UGT1A7: variants seen among roughly 807,000 people sequenced by gnomAD.
UGT1A7 encodes the protein UDP-glucuronosyltransferase 1A7.
In UGT1A7, 33 loss-of-function variants were observed where a neutral mutation model predicts 45.6. The observed-to-expected ratio is 0.72, with a 90% CI of 0.55 to 0.97. The LOEUF (loss-of-function observed/expected upper bound fraction) is 0.97. Ranked by LOEUF, UGT1A7 falls within the 50% of genes least tolerant of loss-of-function variation. The probability of loss-of-function intolerance (pLI) is 0.00; values close to 1 mark genes in which losing one functional copy is unlikely to be tolerated. For synonymous variants in UGT1A7, 274 were observed against 250.6 expected (o/e 1.09, Z -0.88); for missense variants, 684 against 666.2 (o/e 1.03, Z -0.29).
In UGT1A7 at chr2:233,760,982, C is replaced by A. The variant is rs147640261; in HGVS notation, c.856-6052C>A. Reference sequence around the variant, plus strand: ...GACGTGGTTTATTCCCCGTATGCAACCCTTGCCTCAGAATTCCTTCAGAGA... The same window carrying A: ...GACGTGGTTTATTCCCCGTATGCAAACCTTGCCTCAGAATTCCTTCAGAGA... On this transcript the variant is annotated intron_variant, in intron 1 of 4. Transcript: ENST00000373426. The A allele has an allele frequency of 1.9e-6, 3 of 1,614,220 alleles. No individual in the cohort carries two copies. The highest frequency in any genetic ancestry group is 2.7e-5 in the African/African-American group (2 of 75,052).
At chr2:233,690,770 CA>C (rs1350118707) in intron 1 of UGT1A7, 12 of 1,084,308 alleles carry the variant, frequency 1.1e-5, no homozygotes, top group African/African-American at 1.0e-4. Context: ...TACACACACA[CA>C]CACATACACA....
At chr2:233,742,690 G>A (rs1692069965) in intron 1 of UGT1A7, 1 of 152,442 alleles carries the variant, frequency 6.6e-6, no homozygotes, top group African/African-American at 2.4e-5. Flanking sequence ...CCTTCAGAGG[G>A]AACATGCTTC....
chr2:233,715,019 G>A (rs1306215776), intron 1 of UGT1A7, among the ~76,000 whole-genome samples: 2 of 152,164 alleles, frequency 1.3e-5, no homozygotes, highest in African/African-American at 4.8e-5. Context: ...TGGAACTACA[G>A]GCGCATGGCA....
chr2:233,712,865 GGC>G, intron 1 of UGT1A7: 1 of 1,573,780 alleles, frequency 6.4e-7, no homozygotes, highest in Non-Finnish European at 8.6e-7. Flanking sequence ...ACTGGAGGAG[GGC>G]ACTCTGTCTT....
chr2:233,682,670 T>C lies in UGT1A7; in HGVS notation c.733T>C (p.Tyr245His). 1.2e-6 allele frequency: 2 copies of C among 1,613,882 alleles called. No individual in the cohort carries two copies. Among genetic ancestry groups the C allele is most frequent in the Non-Finnish European group, 1.7e-6 (2 of 1,179,788 alleles). Residue 245 changes from tyrosine (Y) to histidine (H), a missense_variant, in exon 1 of 5, where the codon TAC becomes CAC. Transcript: ENST00000373426. ...LQTPVTAYDL[Y>H]SHTSIWLLRT... ...AACCCCTGTCACGGCATATGATCTCTACAGCCACACATCAATTTGGTTGTT... is the reference window on the plus strand; with the variant it reads ...AACCCCTGTCACGGCATATGATCTCCACAGCCACACATCAATTTGGTTGTT...
chr2:233,751,063 A>G (rs1291377665), intron 1 of UGT1A7, among the ~76,000 whole-genome samples: 4 of 152,012 alleles, frequency 2.6e-5, no homozygotes, highest in East Asian at 1.9e-4. Context: ...ACAGACACTC[A>G]ATGCCAGCCT....
intron 1 of UGT1A7, among the ~76,000 whole-genome samples, chr2:233,749,630 C>T (rs1185419016): frequency 6.6e-6 from 1 of 151,806 alleles, no homozygotes. Context: ...CTCTGTATCC[C>T]CCACCAAATC....
chr2:233,685,218 A>G (rs1199330018), intron 1 of UGT1A7, among the ~76,000 whole-genome samples: 5 of 152,164 alleles, frequency 3.3e-5, no homozygotes, highest in African/African-American at 4.8e-5. Context: ...TTTTTAATAG[A>G]GACGGGGTTT....
intron 1 of UGT1A7, among the ~76,000 whole-genome samples, chr2:233,717,536 C>T (rs2076584500): frequency 6.6e-6 from 1 of 152,202 alleles, no homozygotes; most frequent in South Asian, 2.1e-4. Flanking sequence ...TAAGGGAAGC[C>T]TCAGCCTCAC....
intron 1 of UGT1A7, chr2:233,755,022 A>C: frequency 7.7e-7 from 1 of 1,305,146 alleles, no homozygotes; most frequent in South Asian, 1.2e-5. Flanking sequence ...GGGGTCCTTG[A>C]AGGGCCTGCC....
intron 1 of UGT1A7, among the ~76,000 whole-genome samples, chr2:233,710,923 AGTCTTTGTTTAG>A (rs905733031): frequency 6.6e-6 from 1 of 152,240 alleles, no homozygotes; most frequent in African/African-American, 2.4e-5. Flanking sequence ...TAGACCACTT[AGTCTTTGTTTAG>A]GTCTTTGTTT....
At chr2:233,719,486 C>T (rs781372953) in intron 1 of UGT1A7, 4 of 1,614,016 alleles carry the variant, frequency 2.5e-6, no homozygotes, top group East Asian at 2.2e-5. Context: ...CCCTGTCCTA[C>T]ATTTGCCATA....
chr2:233,690,220 G>T (rs939015605), intron 1 of UGT1A7, among the ~76,000 whole-genome samples: 5 of 152,112 alleles, frequency 3.3e-5, no homozygotes, highest in African/African-American at 1.2e-4. Flanking sequence ...TGCCATTTTA[G>T]TATTCTAGAT....
At chr2:233,766,879 G>A (rs1237814699) in intron 1 of UGT1A7, among the ~76,000 whole-genome samples, 155 bp from the exon 2 acceptor site, 1 of 152,170 alleles carries the variant, frequency 6.6e-6, no homozygotes, top group Non-Finnish European at 1.5e-5. Context: ...GGAAAATGCT[G>A]TAAAACTTAC....
At chr2:233,692,459 C>T (rs2075095926) in intron 1 of UGT1A7, 1 of 156,816 alleles carries the variant, frequency 6.4e-6, no homozygotes, top group Admixed American at 6.0e-5. Context: ...CTACTACTTG[C>T]AATTGGTGTC....
In UGT1A7 at chr2:233,769,706, T is replaced by G; in HGVS notation, c.1295+1267T>G. On this transcript the variant is annotated intron_variant, in intron 4 of 4. Transcript: ENST00000373426. The surrounding 1 kb of genome is among the most constrained non-coding windows in gnomAD (Gnocchi z 4.4). ...GGTGGCACTGGATAAAAGATCAATG[T>G]TGGCTAGGCACCATGGCACACGCCT... 6.6e-7 allele frequency: 1 copy of G among 1,515,112 alleles called. No homozygotes were observed. 93.9% of individuals were successfully genotyped at this position (1,515,112 alleles called of 1,614,324 possible).
rs192915169 is a variant in UGT1A7, at chr2:233,741,002, A to C, written c.856-26032A>C. ...CTGGGAATGCTGAGGAGGAAGGATC[A>C]CTTGAGCCCAGGAATTCGTGGTTAC... is the stretch of plus-strand genomic sequence containing the variant. On this transcript the variant is annotated intron_variant, in intron 1 of 4. Transcript: ENST00000373426. The C allele has an allele frequency of 3.0e-4, 45 of 151,886 alleles. 2 individuals are homozygous for C. The highest frequency in any genetic ancestry group is 1.0e-3 in the African/African-American group (41 of 41,190). 9.4% of individuals were successfully genotyped at this position (151,886 alleles called of 1,614,324 possible). A position where few individuals can be genotyped will look rare whatever the true frequency, so the allele number is the denominator to read the frequency against.
chr2:233,729,015 A>G, intron 1 of UGT1A7: 2 of 1,589,624 alleles, frequency 1.3e-6, no homozygotes, highest in Non-Finnish European at 1.7e-6. Context: ...CTGTCTTCCA[A>G]TTACACGTTG....
At chr2:233,738,180 G>A (rs566528784) in intron 1 of UGT1A7, among the ~76,000 whole-genome samples, 8 of 152,232 alleles carry the variant, frequency 5.3e-5, no homozygotes, top group African/African-American at 1.4e-4. Flanking sequence ...CATGTAAGAC[G>A]TGTCTTTGCC....
Sources: gnomAD v4.1 joint callset for allele counts (sites outside exome capture counted in the v4.1 genomes callset) on GRCh38, gnomAD v4.1.1 for gene constraint, Gnocchi (gnomAD v3.1) non-coding constraint, MANE v1.5 for transcripts, NCBI Gene and HGNC (gene_info 2026-07-23, HGNC 2026-07-21) for gene names.